Variants in PHF24 observed in about 807,000 individuals in gnomAD.
The protein encoded by PHF24 is PHD finger protein 24, also known as Galpha inhibitory interacting protein.
In PHF24, 25 loss-of-function variants were observed where a neutral mutation model predicts 42.6. That is an observed-to-expected ratio of 0.59 (90% CI 0.43 to 0.82). PHF24 has a LOEUF of 0.82. Ranked by LOEUF, PHF24 falls within the 40% of genes least tolerant of loss-of-function variation. The pLI is 0.00. For synonymous variants in PHF24, 185 were observed against 204.8 expected (o/e 0.90, Z 0.83); for missense variants, 470 against 538.1 (o/e 0.87, Z 1.25).
At chr9:34,727,741 G>A in the PHF24 span, among the ~76,000 whole-genome samples, 1 of 152,206 alleles carries the variant, frequency 6.6e-6, no homozygotes, top group Admixed American at 6.5e-5. Flanking sequence ...TCATGGCTGA[G>A]TGCAGCTCCA....
the PHF24 span, chr9:34,835,266 G>C: frequency 6.4e-6 from 10 of 1,552,124 alleles, no homozygotes; most frequent in Non-Finnish European, 7.8e-6. Context: ...AGAGAGACCT[G>C]AGAAGTATTA....
the PHF24 span, among the ~76,000 whole-genome samples, chr9:34,906,574 G>A: frequency 6.7e-6 from 1 of 148,720 alleles, no homozygotes; most frequent in East Asian, 2.0e-4. Context: ...AACCCAGGAG[G>A]CAGAGTTTGC....
chr9:34,826,932 A>G, the PHF24 span, among the ~76,000 whole-genome samples: 1 of 152,266 alleles, frequency 6.6e-6, no homozygotes, highest in East Asian at 1.9e-4. Context: ...GGATTATGGG[A>G]TGAGCAAGGC....
chr9:34,720,681 C>T, the PHF24 span, among the ~76,000 whole-genome samples: 1 of 152,080 alleles, frequency 6.6e-6, no homozygotes, highest in Non-Finnish European at 1.5e-5. Context: ...CCTCCCTGGT[C>T]CCTCACCTCA....
At chr9:34,844,016 C>G in the PHF24 span, among the ~76,000 whole-genome samples, 2 of 152,034 alleles carry the variant, frequency 1.3e-5, no homozygotes, top group African/African-American at 4.8e-5. Flanking sequence ...CTTCATGATT[C>G]CTTCTTGGTA....
the PHF24 span, among the ~76,000 whole-genome samples, chr9:34,765,255 T>C: frequency 6.6e-6 from 1 of 152,052 alleles, no homozygotes; most frequent in Non-Finnish European, 1.5e-5. Context: ...TGGGTATCCT[T>C]GTTAACTTTC....
chr9:34,808,043 T>C, the PHF24 span, among the ~76,000 whole-genome samples: 9 of 152,306 alleles, frequency 5.9e-5, no homozygotes, highest in Non-Finnish European at 1.2e-4. Flanking sequence ...CAAAAACATA[T>C]TTATCTGGGA....
the PHF24 span, among the ~76,000 whole-genome samples, chr9:34,931,366 A>T: frequency 8.5e-6 from 1 of 117,186 alleles, no homozygotes; most frequent in East Asian, 2.3e-4. Flanking sequence ...ACAGAGCAAG[A>T]CTCTGTATCA....
intron 1 of PHF24, among the ~76,000 whole-genome samples, chr9:34,961,534 C>T (rs1826588785): frequency 6.6e-6 from 1 of 152,174 alleles, no homozygotes; most frequent in Non-Finnish European, 1.5e-5. Context: ...GAGGAGTTCA[C>T]ATAGAATCAG....
the PHF24 span, among the ~76,000 whole-genome samples, chr9:34,912,101 G>A: frequency 6.6e-6 from 1 of 152,132 alleles, no homozygotes; most frequent in Non-Finnish European, 1.5e-5. Flanking sequence ...TCCAAACCAT[G>A]CCCAAGACCA....
chr9:34,875,877 T>A, the PHF24 span, among the ~76,000 whole-genome samples: 1 of 149,974 alleles, frequency 6.7e-6, no homozygotes, highest in South Asian at 2.1e-4. Flanking sequence ...CCTAGGTCAA[T>A]AGCCTAAGCA....
chr9:34,718,162 G>A, the PHF24 span, among the ~76,000 whole-genome samples: 2 of 152,192 alleles, frequency 1.3e-5, no homozygotes, highest in East Asian at 3.9e-4. Flanking sequence ...TTTGTAGCAG[G>A]CCTGACCTTG....
At chr9:34,876,757 A>C in the PHF24 span, among the ~76,000 whole-genome samples, 1 of 152,216 alleles carries the variant, frequency 6.6e-6, no homozygotes, top group Non-Finnish European at 1.5e-5. Flanking sequence ...TGGTACAGCC[A>C]TTTGAAGAAA....
the PHF24 span, among the ~76,000 whole-genome samples, chr9:34,704,690 G>T: frequency 2.6e-5 from 4 of 152,026 alleles, no homozygotes; most frequent in Non-Finnish European, 5.9e-5. Context: ...AACAAAATTA[G>T]CTGGGTGTGG....
At chr9:34,962,867 C>T (rs1204578537) in intron 1 of PHF24, among the ~76,000 whole-genome samples, 1 of 152,210 alleles carries the variant, frequency 6.6e-6, no homozygotes, top group East Asian at 1.9e-4. Flanking sequence ...TATATTAGAA[C>T]TTTGTGAGCT....
the PHF24 span, among the ~76,000 whole-genome samples, chr9:34,893,586 A>G: frequency 6.6e-6 from 1 of 151,538 alleles, no homozygotes; most frequent in Non-Finnish European, 1.5e-5. Flanking sequence ...GGGCAACAAG[A>G]GTGAAACTCT....
chr9:34,709,721 A>G, the PHF24 span: 6 of 1,613,376 alleles, frequency 3.7e-6, no homozygotes, highest in South Asian at 1.1e-5. Flanking sequence ...AGTCTTGCCC[A>G]CCATGCCCTC....
At chr9:34,734,729 G>C in the PHF24 span, among the ~76,000 whole-genome samples, 2 of 152,230 alleles carry the variant, frequency 1.3e-5, no homozygotes, top group Admixed American at 1.3e-4. Context: ...GGATCAGGGA[G>C]AAGGCCCTGT....
the PHF24 span, chr9:34,690,326 G>A: frequency 4.3e-6 from 7 of 1,613,848 alleles, no homozygotes; most frequent in Admixed American, 1.7e-5. Context: ...CATCATTGGT[G>A]CCACTCAGAG....
Sources: allele counts gnomAD v4.1 joint callset (sites outside exome capture counted in the v4.1 genomes callset), GRCh38; gene constraint gnomAD v4.1.1; transcripts MANE v1.5; gene names NCBI Gene and HGNC (gene_info 2026-07-23, HGNC 2026-07-21).